Variants in MIA2 observed in about 807,000 individuals in gnomAD.
MIA2 encodes melanoma inhibitory activity protein 2.
A neutral mutation model predicts 167.8 loss-of-function variants in MIA2; 127 were observed. The observed-to-expected ratio is 0.76, with a 90% CI of 0.66 to 0.88. The LOEUF (loss-of-function observed/expected upper bound fraction) is 0.88. MIA2 is among the 40% of genes least tolerant of loss of function. The pLI, the probability that MIA2 is intolerant of heterozygous loss-of-function variation, is 0.00. For synonymous variants in MIA2, 552 were observed against 541.9 expected, an observed-to-expected ratio of 1.02 and a Z score of -0.26; for missense variants, 1,690 against 1,624.7, an observed-to-expected ratio of 1.04 and a Z score of -0.69.
chr14:39,283,752 T>C (rs925719988), intron 9 of MIA2, among the ~76,000 whole-genome samples: 3 of 152,216 alleles, frequency 2.0e-5, no homozygotes, highest in African/African-American at 4.8e-5. Context: ...TCCTTGATGA[T>C]TGGTGATATT....
chr14:39,334,284 G>A (rs1299519493), intron 25 of MIA2, among the ~76,000 whole-genome samples: 1 of 152,078 alleles, frequency 6.6e-6, no homozygotes, highest in Non-Finnish European at 1.5e-5. Context: ...AGACCAGCCT[G>A]GCTAACATGG....
At chr14:39,294,114 A>C (rs541335424) in intron 12 of MIA2, 43 bp downstream of exon 12, 5 of 1,384,436 alleles carry the variant, frequency 3.6e-6, no homozygotes, top group Non-Finnish European at 5.0e-6. Context: ...TTTGGAAATA[A>C]TTTTAGTTTA....
intron 7 of MIA2, among the ~76,000 whole-genome samples, chr14:39,277,688 G>T (rs534443763): frequency 1.2e-4 from 1 of 8,088 alleles, no homozygotes; most frequent in Non-Finnish European, 4.3e-4. Flanking sequence ...ATATATATAT[G>T]TGTGTATATA....
At chr14:39,333,031 T>G (rs566185802) in intron 25 of MIA2, among the ~76,000 whole-genome samples, 1 of 152,326 alleles carries the variant, frequency 6.6e-6, no homozygotes, top group African/African-American at 2.4e-5. Context: ...TAATTTGATT[T>G]ATCTGCTGAG....
chr14:39,374,769 C>T (rs1384901253), intron 23 of MIA2, among the ~76,000 whole-genome samples: 4 of 152,214 alleles, frequency 2.6e-5, no homozygotes, highest in East Asian at 1.9e-4. Context: ...CCAGTAGCCT[C>T]TGCGATTACT....
chr14:39,339,586 A>G (rs1040357749), intron 25 of MIA2, among the ~76,000 whole-genome samples: 1 of 152,226 alleles, frequency 6.6e-6, no homozygotes, highest in African/African-American at 2.4e-5. Flanking sequence ...AAGATAAATT[A>G]TTAAAAAGGT....
intron 25 of MIA2, among the ~76,000 whole-genome samples, chr14:39,329,015 A>T (rs2068190854): frequency 6.6e-6 from 1 of 152,178 alleles, no homozygotes; most frequent in Admixed American, 6.5e-5. Context: ...AGTCAGTGGT[A>T]GCTTGATGGG....
intron 18 of MIA2, among the ~76,000 whole-genome samples, chr14:39,312,109 T>A (rs2064417926): frequency 2.0e-5 from 3 of 152,218 alleles, no homozygotes; most frequent in African/African-American, 7.2e-5. Context: ...ATTATAGGCA[T>A]GAGCCACTGC....
intron 28 of MIA2, among the ~76,000 whole-genome samples, 153 bp downstream of exon 28, chr14:39,349,130 G>C (rs779963458): frequency 3.3e-5 from 5 of 152,116 alleles, no homozygotes; most frequent in Non-Finnish European, 1.5e-5. Flanking sequence ...TCCGAATTGG[G>C]AAGGCAGCCA....
At position 39,279,518 on chromosome 14, in the gene MIA2, T is replaced by C; in HGVS notation, c.2111T>C (p.Phe704Ser). ...IEEKSKLLEK[F>S]SLVQKEYEGY... Reference sequence around the variant, plus strand: ...GAAAAAAGTAAACTACTTGAAAAATTTAGCCTTGTTCAAAAAGAGGTAAGA... The same window carrying C: ...GAAAAAAGTAAACTACTTGAAAAATCTAGCCTTGTTCAAAAAGAGGTAAGA... Residue 704 changes from phenylalanine (F) to serine (S), a missense_variant, in exon 9 of 29, where the codon TTT becomes TCT. By Grantham distance (155) the Phe-to-Ser change is radical (BLOSUM62 -2). Transcript: ENST00000640607. The C allele has an allele frequency of 6.2e-7, 1 of 1,605,358 alleles. No individual in the cohort carries two copies.
rs1373443831 is a variant in MIA2 at position 39,296,932 on chromosome 14, C to T, written c.2496+1903C>T. On this transcript the variant is annotated intron_variant, in intron 13 of 28. Coordinates refer to ENST00000640607, the MANE Select transcript of MIA2 (RefSeq NM_001329214.4). Reference sequence around the variant, plus strand: ...CTGGGATTATAGGTGTCTGCCACCACGCCCGGCTAATTTTTTGTATTTTTA... The same window carrying T: ...CTGGGATTATAGGTGTCTGCCACCATGCCCGGCTAATTTTTTGTATTTTTA... 3.0e-4 allele frequency among the ~76,000 whole-genome samples: 45 copies of T among 148,138 alleles called. 1 individual carries two copies. The highest frequency in any genetic ancestry group is 4.7e-4 in the African/African-American group (19 of 40,100).
chr14:39,299,417 C>T (rs951646733), intron 13 of MIA2, among the ~76,000 whole-genome samples: 8 of 145,312 alleles, frequency 5.5e-5, no homozygotes, highest in Non-Finnish European at 8.9e-5. Flanking sequence ...AAGCGATTCT[C>T]CTGCCTCAAC....
chr14:39,346,106 A>T (rs2073181261), intron 26 of MIA2, 80 bp downstream of exon 26: 1 of 1,203,744 alleles, frequency 8.3e-7, no homozygotes, highest in East Asian at 2.3e-5. Flanking sequence ...AAAGACCAAT[A>T]TAATTGCTAT....
intron 23 of MIA2, among the ~76,000 whole-genome samples, chr14:39,375,860 CTA>C (rs1175835703): frequency 2.0e-5 from 3 of 152,154 alleles, no homozygotes; most frequent in Admixed American, 2.0e-4. Flanking sequence ...TAGAGAAAAA[CTA>C]TAGTTTCATG....
chr14:39,241,645 C>T lies in MIA2; in HGVS notation c.336+998C>T, dbSNP rs78058192. 6.7e-3 allele frequency among the ~76,000 whole-genome samples: 1,022 copies of T among 152,288 alleles called. 12 individuals are homozygous for T. Among genetic ancestry groups the T allele is most frequent in the African/African-American group, 0.024 (977 of 41,568 alleles). Reference sequence around the variant, plus strand: ...ATCTATTGATTAGAATACTAAGTAGCCTTCTAACTATACTTCTTGCCTATA... The same window carrying T: ...ATCTATTGATTAGAATACTAAGTAGTCTTCTAACTATACTTCTTGCCTATA... On this transcript the variant is annotated intron_variant, in intron 3 of 28. Coordinates refer to ENST00000640607, the MANE Select transcript of MIA2 (RefSeq NM_001329214.4).
At chr14:39,264,731 T>TTAA (rs1489805539) in intron 6 of MIA2, among the ~76,000 whole-genome samples, 2 of 152,234 alleles carry the variant, frequency 1.3e-5, no homozygotes, top group African/African-American at 4.8e-5. Context: ...AGAGTAAATC[T>TTAA]TAAAGTCTGT....
chr14:39,385,290 A>G lies in MIA2; in HGVS notation c.2249-1595A>G, dbSNP rs2075253073. The G allele has an allele frequency of 6.1e-6, 4 of 660,440 alleles. No individual in the cohort carries two copies. In the Admixed American group the frequency reaches 9.7e-5, roughly 16 times the overall value. 40.9% of individuals were successfully genotyped at this position (660,440 alleles called of 1,614,324 possible). ...GTTTCCTATGCAGTAAAGTGAAGAT[A>G]ACAAAAAAATCCACACAACTTCCAA... On this transcript the variant is annotated intron_variant, in intron 23 of 23. Transcript: ENST00000341502.
At chr14:39,274,586 C>G (rs2152724081) in intron 6 of MIA2, among the ~76,000 whole-genome samples, 1 of 150,790 alleles carries the variant, frequency 6.6e-6, no homozygotes, top group South Asian at 2.1e-4. Flanking sequence ...CCACCATGCC[C>G]AGCTAATTTT....
At chr14:39,289,202 CTT>C (rs1317430128) in intron 9 of MIA2, among the ~76,000 whole-genome samples, 3 of 145,100 alleles carry the variant, frequency 2.1e-5, no homozygotes, top group Non-Finnish European at 3.0e-5. Context: ...TTGGTTTCGA[CTT>C]TGTTGTAAGG....
Sources: allele counts gnomAD v4.1 joint callset (sites outside exome capture counted in the v4.1 genomes callset), GRCh38; gene constraint gnomAD v4.1.1; transcripts MANE v1.5; gene names NCBI Gene and HGNC (gene_info 2026-07-23, HGNC 2026-07-21).